PXYLP1: variants seen among roughly 807,000 people sequenced by gnomAD.
PXYLP1 encodes the protein 2-phosphoxylose phosphatase 1.
Under a neutral mutation model 37.9 loss-of-function variants are expected in PXYLP1, and 17 were observed. That is an observed-to-expected ratio of 0.45 (90% CI 0.31 to 0.67). The LOEUF (loss-of-function observed/expected upper bound fraction) is 0.67. Among genes scored for constraint, PXYLP1 ranks in the 30% least tolerant of loss-of-function variants. PXYLP1 has a pLI of 0.07. For missense variants in PXYLP1, 511 were observed against 612.0 expected, an observed-to-expected ratio of 0.84 and a Z score of 1.74; for synonymous variants, 221 against 232.2, an observed-to-expected ratio of 0.95 and a Z score of 0.44.
chr3:141,255,566 T>C (rs1273817957), intron 1 of PXYLP1, among the ~76,000 whole-genome samples: 1 of 152,228 alleles, frequency 6.6e-6, no homozygotes, highest in Non-Finnish European at 1.5e-5. Context: ...TTTTTAGGAC[T>C]GTGAGCAAGC....
Position 141,235,711 on chromosome 3 carries a change from G to T in PXYLP1, c.-54+3800G>T, listed in dbSNP as rs115360476. ...CTGCTGTGCAGCCTTGCAGGTAAACGACGGCCCATTGGAGCCTCTCAACCT... is the reference window on the plus strand; with the variant it reads ...CTGCTGTGCAGCCTTGCAGGTAAACTACGGCCCATTGGAGCCTCTCAACCT... On this transcript the variant is annotated intron_variant, in intron 1 of 5. Transcript: ENST00000286353. Among the ~76,000 whole-genome samples the T allele has an allele frequency of 2.6e-3, 394 of 152,334 alleles. 5 individuals carry two copies. In the East Asian group the frequency reaches 0.03, roughly 11 times the overall value.
In PXYLP1 at chr3:141,250,104, ATAAT is replaced by A. The variant is rs1576580960; in HGVS notation, c.-53-10014_-53-10011del. On this transcript the variant is annotated intron_variant, in intron 1 of 5. Transcript: ENST00000286353. ...CTTTTAGGAAAGAAATGGTAGCTAA[ATAAT>A]TAATGCTGCATATTTTAAAAACATG... 2.0e-5 allele frequency among the ~76,000 whole-genome samples: 3 copies of A among 150,376 alleles called. No individual in the cohort carries two copies. In the East Asian group the frequency reaches 5.8e-4, roughly 29 times the overall value.
At chr3:141,268,206 A>AGTGT (rs112453738) in intron 2 of PXYLP1, among the ~76,000 whole-genome samples, 42 of 51,418 alleles carry the variant, frequency 8.2e-4, no homozygotes, top group Middle Eastern at 0.013. Context: ...AGAGAGAGAG[A>AGTGT]GTGTGTGTGT....
chr3:141,284,257 A>G (rs1319098548), intron 4 of PXYLP1, among the ~76,000 whole-genome samples: 1 of 152,004 alleles, frequency 6.6e-6, no homozygotes, highest in Non-Finnish European at 1.5e-5. Flanking sequence ...TGTTGTTTCT[A>G]CCATCCCCTG....
intron 2 of PXYLP1, among the ~76,000 whole-genome samples, chr3:141,276,741 C>T (rs935492647): frequency 2.6e-5 from 4 of 152,138 alleles, no homozygotes; most frequent in African/African-American, 9.7e-5. Context: ...CAAACACTCC[C>T]GAGAGGTGCC....
chr3:141,242,386 G>A (rs1249698615), intron 1 of PXYLP1, among the ~76,000 whole-genome samples: 8 of 152,150 alleles, frequency 5.3e-5, no homozygotes, highest in East Asian at 1.9e-4. Flanking sequence ...ACCCTGGCCC[G>A]AAAAAGGAAC....
At chr3:141,242,650 T>C (rs913568815) in intron 1 of PXYLP1, among the ~76,000 whole-genome samples, 2 of 152,202 alleles carry the variant, frequency 1.3e-5, no homozygotes, top group Non-Finnish European at 2.9e-5. Flanking sequence ...TGCACTTTGC[T>C]TCAAGCTGGG....
chr3:141,277,771 G>T (rs1941833242), intron 2 of PXYLP1, among the ~76,000 whole-genome samples: 1 of 152,224 alleles, frequency 6.6e-6, no homozygotes, highest in South Asian at 2.1e-4. Flanking sequence ...CGAAGACAGT[G>T]GCAGGGAAGC....
chr3:141,289,706 G>C (rs1006967012), intron 5 of PXYLP1, among the ~76,000 whole-genome samples: 3 of 152,146 alleles, frequency 2.0e-5, no homozygotes, highest in Non-Finnish European at 2.9e-5. Context: ...CAAAATTACA[G>C]TCCCAGCCAC....
chr3:141,261,210 G>A (rs562037849), intron 2 of PXYLP1, among the ~76,000 whole-genome samples: 12 of 152,036 alleles, frequency 7.9e-5, no homozygotes, highest in African/African-American at 2.7e-4. Flanking sequence ...GCAGTAGCAC[G>A]ATCACAGCTC....
chr3:141,269,674 C>T (rs968997828), intron 2 of PXYLP1, among the ~76,000 whole-genome samples: 1 of 152,152 alleles, frequency 6.6e-6, no homozygotes, highest in Non-Finnish European at 1.5e-5. Context: ...GAGGATCAAT[C>T]GTTTTCATCA....
In PXYLP1 at chr3:141,290,436, C is replaced by G. The variant is rs75592291; in HGVS notation, c.506-1832C>G. On this transcript the variant is annotated intron_variant, in intron 5 of 5. Coordinates refer to ENST00000286353, the MANE Select transcript of PXYLP1 (RefSeq NM_001037172.3). ...GCAGTGCCGGCATATGAGAGGCTCC[C>G]AATAAATGCAGCTGATGTTGTCATG... Among the ~76,000 whole-genome samples the G allele has an allele frequency of 2.7e-3, 412 of 152,210 alleles. 1 individual carries two copies. The highest frequency in any genetic ancestry group is 9.6e-3 in the African/African-American group (397 of 41,506).
intron 1 of PXYLP1, among the ~76,000 whole-genome samples, chr3:141,242,194 G>T (rs138050809): frequency 1.3e-5 from 2 of 152,054 alleles, no homozygotes; most frequent in Admixed American, 6.5e-5. Context: ...ACTCACCCCC[G>T]CCCCAGGCTC....
At chr3:141,249,470 C>CTTTTTT (rs564313232) in intron 1 of PXYLP1, among the ~76,000 whole-genome samples, 4 of 93,156 alleles carry the variant, frequency 4.3e-5, no homozygotes, top group East Asian at 3.3e-4. Flanking sequence ...ACTTTGGAAG[C>CTTTTTT]TTTTTTTTTT....
intron 1 of PXYLP1, among the ~76,000 whole-genome samples, chr3:141,239,237 C>G (rs1259117817): frequency 1.3e-5 from 2 of 152,164 alleles, no homozygotes; most frequent in African/African-American, 4.8e-5. Flanking sequence ...TCTTGATTTC[C>G]CAGACTGGAA....
chr3:141,293,324 G>A lies in PXYLP1; in HGVS notation c.*119G>A. 1 of 1,073,108 alleles carries A rather than the reference G, an allele frequency of 9.3e-7. No homozygotes were observed. Among genetic ancestry groups the A allele is most frequent in the Non-Finnish European group, 1.3e-6 (1 of 766,364 alleles). The allele number at this position is 1,073,108 out of a possible 1,614,324, so 66.5% of individuals were successfully genotyped here. ...TATTGCTTTTTAAAGGCTAAATATT[G>A]TTTGTGGGAACCACAGATGGTTGGG... On this transcript the variant is annotated 3_prime_UTR_variant, in exon 6 of 6. Transcript: ENST00000286353.
chr3:141,253,179 G>A (rs1167948812), intron 1 of PXYLP1, among the ~76,000 whole-genome samples: 1 of 152,314 alleles, frequency 6.6e-6, no homozygotes, highest in African/African-American at 2.4e-5. Context: ...GAATCAGTGA[G>A]TGTGTTTTCT....
intron 1 of PXYLP1, among the ~76,000 whole-genome samples, chr3:141,255,733 C>T (rs1941249722): frequency 6.6e-6 from 1 of 152,186 alleles, no homozygotes; most frequent in African/African-American, 2.4e-5. Flanking sequence ...GGAAGGGAAC[C>T]AAGGACTGTG....
intron 3 of PXYLP1, 86 bp from the exon 4 acceptor site, chr3:141,279,292 A>T: frequency 6.5e-7 from 1 of 1,539,464 alleles, no homozygotes; most frequent in Non-Finnish European, 8.8e-7. Context: ...CCCAGCCCAA[A>T]TGTGGCCAGG....
Sources: allele counts gnomAD v4.1 joint callset (sites outside exome capture counted in the v4.1 genomes callset), GRCh38; gene constraint gnomAD v4.1.1; transcripts MANE v1.5; gene names NCBI Gene and HGNC (gene_info 2026-07-23, HGNC 2026-07-21).